Variants in TMPRSS11E observed in about 807,000 individuals in gnomAD.
TMPRSS11E encodes the protein transmembrane serine protease 11E.
A neutral mutation model predicts 48.1 loss-of-function variants in TMPRSS11E; 38 were observed. That is an observed-to-expected ratio of 0.79 (90% CI 0.61 to 1.04). The LOEUF (loss-of-function observed/expected upper bound fraction) is 1.04, where lower values mean the gene tolerates loss of function less well. Ranked by LOEUF, TMPRSS11E falls within the 50% of genes least tolerant of loss-of-function variation. The pLI, the probability that TMPRSS11E is intolerant of heterozygous loss-of-function variation, is 0.00. For synonymous variants in TMPRSS11E, 158 were observed against 171.9 expected (o/e 0.92, Z 0.63); for missense variants, 530 against 510.8 (o/e 1.04, Z -0.36).
intron 6 of TMPRSS11E, 35 bp from the exon 7 acceptor site, chr4:68,476,225 GC>G (rs1729210006): frequency 1.2e-6 from 2 of 1,612,336 alleles, no homozygotes; most frequent in Admixed American, 1.7e-5. Flanking sequence ...GCTAATTAAT[GC>G]ACCCACCAAT....
intron 9 of TMPRSS11E, among the ~76,000 whole-genome samples, chr4:68,488,044 T>C (rs1729611601): frequency 6.6e-6 from 1 of 151,586 alleles, no homozygotes; most frequent in Non-Finnish European, 1.5e-5. Flanking sequence ...TATCCTGATA[T>C]CACCCCCTTT....
At chr4:68,491,299 CAAAAAAAAAAAAA>C (rs752361546) in intron 9 of TMPRSS11E, among the ~76,000 whole-genome samples, 1 of 92,056 alleles carries the variant, frequency 1.1e-5, no homozygotes, top group Non-Finnish European at 2.0e-5. Context: ...ATATATGAAG[CAAAAAAAAAAAAA>C]AAAAAAAAAA....
chr4:68,482,723 G>A (rs1729443568), intron 9 of TMPRSS11E, among the ~76,000 whole-genome samples: 1 of 151,568 alleles, frequency 6.6e-6, no homozygotes, highest in East Asian at 1.9e-4. Flanking sequence ...ATTGAGCTGT[G>A]ATCGCACCAC....
At chr4:68,484,745 G>A (rs756018488) in intron 9 of TMPRSS11E, among the ~76,000 whole-genome samples, 3 of 152,048 alleles carry the variant, frequency 2.0e-5, no homozygotes, top group Non-Finnish European at 4.4e-5. Context: ...TTTGGCTCTC[G>A]GCTAAGATGT....
chr4:68,487,755 A>G (rs1010421932), intron 9 of TMPRSS11E, among the ~76,000 whole-genome samples: 16 of 151,866 alleles, frequency 1.1e-4, no homozygotes, highest in Admixed American at 9.8e-4. Flanking sequence ...AGCCTGGCCA[A>G]CATGGTGAAA....
intron 9 of TMPRSS11E, among the ~76,000 whole-genome samples, chr4:68,491,129 T>G (rs756577850): frequency 6.9e-4 from 104 of 151,742 alleles, no homozygotes; most frequent in Non-Finnish European, 1.6e-4. Context: ...AGCATGGAAG[T>G]CTTTTCAGTT....
intron 9 of TMPRSS11E, among the ~76,000 whole-genome samples, chr4:68,494,456 TTTTATG>T (rs1249982167): frequency 6.6e-6 from 1 of 152,186 alleles, no homozygotes; most frequent in Non-Finnish European, 1.5e-5. Flanking sequence ...TTACCATATC[TTTTATG>T]TTTATTTCTT....
chr4:68,459,643 A>G (rs548646929), intron 1 of TMPRSS11E, among the ~76,000 whole-genome samples: 1 of 152,326 alleles, frequency 6.6e-6, no homozygotes, highest in East Asian at 1.9e-4. Context: ...GAATGGCTGC[A>G]TTGCTTACAT....
At chr4:68,462,179 T>C (rs1001360155) in intron 2 of TMPRSS11E, among the ~76,000 whole-genome samples, 1 of 152,196 alleles carries the variant, frequency 6.6e-6, no homozygotes, top group African/African-American at 2.4e-5. Context: ...CTTATTTGCA[T>C]CTTCCTTAAT....
At chr4:68,479,099 A>G in intron 9 of TMPRSS11E, 108 bp downstream of exon 9, 1 of 1,299,908 alleles carries the variant, frequency 7.7e-7, no homozygotes, top group Non-Finnish European at 1.1e-6. Context: ...GAGTCACAAC[A>G]TCTCACCCAG....
At chr4:68,461,764 A>C in intron 1 of TMPRSS11E, 57 bp from the exon 2 acceptor site, 15 of 1,610,634 alleles carry the variant, frequency 9.3e-6, no homozygotes, top group Non-Finnish European at 1.3e-5. Context: ...TGTTTTGTCT[A>C]ATGAGTGGAT....
intron 9 of TMPRSS11E, among the ~76,000 whole-genome samples, chr4:68,495,491 T>C (rs1729840666): frequency 6.6e-6 from 1 of 152,180 alleles, no homozygotes; most frequent in Admixed American, 6.6e-5. Flanking sequence ...TGCAGGTTTC[T>C]AGAGGACAAG....
In TMPRSS11E at chr4:68,497,581, T is replaced by G. The variant is rs1351692294; in HGVS notation, c.*777T>G. On this transcript the variant is annotated 3_prime_UTR_variant, in exon 10 of 10. Transcript: ENST00000305363. ...CATTGTTACTGAGGATGTCAACATA[T>G]AACAATAAAATATAAATCACCCATT... 6.6e-6 allele frequency: 1 copy of G among 152,070 alleles called. No homozygotes were observed. Among genetic ancestry groups the G allele is most frequent in the Non-Finnish European group, 1.5e-5 (1 of 67,994 alleles). The allele number at this position is 152,070 out of a possible 1,614,324, so 9.4% of individuals were successfully genotyped here. A position where few individuals can be genotyped will look rare whatever the true frequency, so the allele number is the denominator to read the frequency against.
At chr4:68,482,241 G>A (rs902107130) in intron 9 of TMPRSS11E, among the ~76,000 whole-genome samples, 2 of 152,012 alleles carry the variant, frequency 1.3e-5, no homozygotes, top group Non-Finnish European at 2.9e-5. Flanking sequence ...ACTCCAAGCC[G>A]TGAGTGATTG....
intron 9 of TMPRSS11E, among the ~76,000 whole-genome samples, chr4:68,480,799 G>C (rs147567217): frequency 0.025 from 3,820 of 151,754 alleles, 132 homozygotes; most frequent in African/African-American, 0.072. Flanking sequence ...TAATTACTTT[G>C]CTTCTTCCAA....
intron 5 of TMPRSS11E, 90 bp downstream of exon 5, chr4:68,471,713 T>C: frequency 1.0e-6 from 1 of 971,598 alleles, no homozygotes; most frequent in Non-Finnish European, 1.5e-6. Flanking sequence ...TTTGATGTCC[T>C]TTAATTCTGG....
At position 68,496,525 on chromosome 4, in the gene TMPRSS11E, G is replaced by T. The variant is rs561563872; in HGVS notation, c.1111-118G>T. The T allele has an allele frequency of 4.5e-5, 46 of 1,016,180 alleles. No homozygotes were observed. The African/African-American group carries it at 7.0e-4, about 16-fold the overall frequency. The allele number at this position is 1,016,180 out of a possible 1,614,324, so 62.9% of individuals were successfully genotyped here. A position where few individuals can be genotyped will look rare whatever the true frequency, so the allele number is the denominator to read the frequency against. The stretch of plus-strand genomic sequence containing the variant: ...GATGGAGAAAATCACTTATGCATGC[G>T]AACACACGGAATACTTTTGAAAATT... On this transcript the variant is annotated intron_variant, in intron 9 of 9. Transcript: ENST00000305363.
At chr4:68,482,208 G>C (rs879282947) in intron 9 of TMPRSS11E, among the ~76,000 whole-genome samples, 12 of 151,818 alleles carry the variant, frequency 7.9e-5, no homozygotes, top group Non-Finnish European at 1.8e-4. Flanking sequence ...TCTCACAAGA[G>C]CTCACTCACT....
chr4:68,462,299 G>T (rs1728811940), intron 2 of TMPRSS11E, among the ~76,000 whole-genome samples: 1 of 151,922 alleles, frequency 6.6e-6, no homozygotes, highest in Non-Finnish European at 1.5e-5. Context: ...AATTCTGACC[G>T]GGTGCAGTGG....
Sources: allele counts gnomAD v4.1 joint callset (sites outside exome capture counted in the v4.1 genomes callset), GRCh38; gene constraint gnomAD v4.1.1; transcripts MANE v1.5; gene names NCBI Gene and HGNC (gene_info 2026-07-23, HGNC 2026-07-21).